The following ZC3H12B variants were observed in gnomAD, a reference collection of about 807,000 sequenced individuals.
ZC3H12B encodes the protein probable ribonuclease ZC3H12B.
ZC3H12B carries 7 observed loss-of-function variants against 43.9 expected under a neutral mutation model. The ratio of observed to expected loss-of-function variants is 0.16; its 90% CI spans 0.09 to 0.30. ZC3H12B has a LOEUF of 0.30. ZC3H12B is among the 10% of genes least tolerant of loss of function. The pLI is 1.00. For missense variants in ZC3H12B, 475 were observed against 670.2 expected, an observed-to-expected ratio of 0.71 and a Z score of 3.22; for synonymous variants, 222 against 241.7, an observed-to-expected ratio of 0.92 and a Z score of 0.76.
chrX:65,450,069 G>C (rs2067449808), intron 3 of ZC3H12B, among the ~76,000 whole-genome samples: 1 of 108,946 alleles, frequency 9.2e-6, no homozygotes, highest in Non-Finnish European at 1.9e-5. Context: ...CACTTTGGGA[G>C]GCTGAGGAGG....
At chrX:65,200,467 G>A in the ZC3H12B span, among the ~76,000 whole-genome samples, 1 of 78,995 alleles carries the variant, frequency 1.3e-5, no homozygotes, top group Non-Finnish European at 2.2e-5. Context: ...GAGTATCACT[G>A]AGTTGCCCAG....
chrX:65,456,974 C>A (rs1397841808), intron 3 of ZC3H12B, among the ~76,000 whole-genome samples: 1 of 101,149 alleles, frequency 9.9e-6, no homozygotes, highest in African/African-American at 3.7e-5. Flanking sequence ...TCTGCCTGGC[C>A]GCCATCCCAT....
the ZC3H12B span, among the ~76,000 whole-genome samples, chrX:65,074,986 G>C: frequency 2.7e-5 from 3 of 111,941 alleles, no homozygotes; most frequent in Non-Finnish European, 5.6e-5. Flanking sequence ...TTTGTGCCAT[G>C]TTTCCTTGTT....
the ZC3H12B span, among the ~76,000 whole-genome samples, chrX:65,061,985 A>G: frequency 8.9e-6 from 1 of 112,390 alleles, no homozygotes; most frequent in South Asian, 3.7e-4. Context: ...GTGTCTGTTC[A>G]TATCCTTTGT....
At chrX:65,074,968 G>C in the ZC3H12B span, among the ~76,000 whole-genome samples, 3 of 111,839 alleles carry the variant, frequency 2.7e-5, no homozygotes, top group African/African-American at 9.8e-5. Context: ...TTATTTTGTT[G>C]TTTTGGCTTT....
the ZC3H12B span, among the ~76,000 whole-genome samples, chrX:65,129,015 G>C: frequency 9.1e-6 from 1 of 110,343 alleles, no homozygotes; most frequent in Non-Finnish European, 1.9e-5. Context: ...CTTTTAGCTG[G>C]TGTATTTATT....
intron 3 of ZC3H12B, among the ~76,000 whole-genome samples, chrX:65,451,079 C>A (rs972400275): frequency 9.2e-6 from 1 of 108,275 alleles, no homozygotes; most frequent in African/African-American, 3.4e-5. Context: ...TCGCAAACAA[C>A]TGGAATTACA....
chrX:65,426,563 A>C lies in ZC3H12B; in HGVS notation n.407+27859A>C, dbSNP rs750983527. 9.0e-5 allele frequency among the ~76,000 whole-genome samples: 10 copies of C among 110,513 alleles called. 1 individual carries two copies. The South Asian group carries it at 3.9e-3, about 43-fold the overall frequency. Reference sequence around the variant, plus strand: ...CTCTAGTTCTTTTAATTGAGATGTTAGGTTGTTAACGAGATCTTTCTAGAT... The same window carrying C: ...CTCTAGTTCTTTTAATTGAGATGTTCGGTTGTTAACGAGATCTTTCTAGAT... On this transcript the variant is annotated intron_variant and non_coding_transcript_variant, in intron 3 of 5. Coordinates refer to the ZC3H12B transcript ENST00000617377.
At chrX:65,469,217 G>T in intron 3 of ZC3H12B, 1 of 229,520 alleles carries the variant, frequency 4.4e-6, no homozygotes, top group South Asian at 8.9e-5. Flanking sequence ...CCACACAGCA[G>T]AGCAACAAGC....
chrX:65,265,072 G>A, the ZC3H12B span, among the ~76,000 whole-genome samples: 6 of 111,476 alleles, frequency 5.4e-5, no homozygotes, highest in Admixed American at 2.9e-4. Context: ...AAAACCTTCC[G>A]GAGGCATAAT....
chrX:65,067,779 T>G, the ZC3H12B span, among the ~76,000 whole-genome samples: 1 of 111,267 alleles, frequency 9.0e-6, no homozygotes, highest in Non-Finnish European at 1.9e-5. Flanking sequence ...TCTACTAATT[T>G]GCATTTGGTT....
At chrX:65,140,802 T>C in the ZC3H12B span, among the ~76,000 whole-genome samples, 1 of 111,765 alleles carries the variant, frequency 8.9e-6, no homozygotes, top group African/African-American at 3.2e-5. Flanking sequence ...ACTTGTTAGG[T>C]TGTATGCATC....
chrX:65,300,661 G>A, the ZC3H12B span, among the ~76,000 whole-genome samples: 1 of 110,902 alleles, frequency 9.0e-6, no homozygotes, highest in Non-Finnish European at 1.9e-5. Flanking sequence ...TACTTATCCA[G>A]ATAATCCTAG....
intron 4 of ZC3H12B, among the ~76,000 whole-genome samples, chrX:65,500,743 G>GT (rs144534250): frequency 0.012 from 1,161 of 100,855 alleles, 13 homozygotes; most frequent in South Asian, 0.045. Context: ...TCCAGTTTTT[G>GT]TTTTTTTTTT....
chrX:65,439,372 G>A (rs1021900309), intron 3 of ZC3H12B, among the ~76,000 whole-genome samples: 2 of 111,341 alleles, frequency 1.8e-5, no homozygotes, highest in African/African-American at 6.5e-5. Context: ...ACATAGTGTG[G>A]CAGTGGCACG....
chrX:65,175,476 A>T, the ZC3H12B span, among the ~76,000 whole-genome samples: 1 of 112,341 alleles, frequency 8.9e-6, no homozygotes, highest in Non-Finnish European at 1.9e-5. Context: ...TAATTTGAAA[A>T]TATAAAGATT....
chrX:65,128,576 G>T, the ZC3H12B span, among the ~76,000 whole-genome samples: 1 of 111,671 alleles, frequency 9.0e-6, no homozygotes. Flanking sequence ...ATTCCTGTTG[G>T]TTTGTAGTGT....
chrX:65,097,546 C>T, the ZC3H12B span, among the ~76,000 whole-genome samples: 1 of 111,434 alleles, frequency 9.0e-6, no homozygotes, highest in African/African-American at 3.3e-5. Flanking sequence ...TTTATGTGTC[C>T]AAGTTTGTAA....
At chrX:65,207,407 C>A in the ZC3H12B span, among the ~76,000 whole-genome samples, 1 of 110,373 alleles carries the variant, frequency 9.1e-6, no homozygotes. Context: ...ATCATATGTT[C>A]TCAGTGATAT....
Sources: gnomAD v4.1 joint callset for allele counts (sites outside exome capture counted in the v4.1 genomes callset) on GRCh38, gnomAD v4.1.1 for gene constraint, MANE v1.5 for transcripts, NCBI Gene and HGNC (gene_info 2026-07-23, HGNC 2026-07-21) for gene names.